SMAD6: variants seen among roughly 807,000 people sequenced by gnomAD.
SMAD6 encodes the protein MAD homolog 6.
In SMAD6, 103 loss-of-function variants were observed where a neutral mutation model predicts 39.4. That is an observed-to-expected ratio of 2.62 (90% CI 2.23 to 3.08). The LOEUF (loss-of-function observed/expected upper bound fraction) is 3.08, where lower values mean the gene tolerates loss of function less well. SMAD6 is among the 30% of genes most tolerant of loss of function. The pLI, the probability that SMAD6 is intolerant of heterozygous loss-of-function variation, is 0.00. For synonymous variants in SMAD6, 445 were observed against 353.3 expected, an observed-to-expected ratio of 1.26 and a Z score of -2.91; for missense variants, 1,104 against 742.9, an observed-to-expected ratio of 1.49 and a Z score of -5.65.
intron 1 of SMAD6, among the ~76,000 whole-genome samples, chr15:66,711,127 A>G (rs538164353): frequency 1.3e-4 from 20 of 152,350 alleles, no homozygotes; most frequent in African/African-American, 4.8e-4. Flanking sequence ...ACCATATTTT[A>G]GTATAAGTAC....
Position 66,703,335 on chromosome 15 carries a change from G to A in SMAD6, c.77G>A (p.Gly26Asp), listed in dbSNP as rs777146401. Residue 26 changes from glycine to aspartate, a missense_variant, in exon 1 of 4, where the codon GGC (glycine) becomes GAC (aspartate). Coordinates refer to ENST00000288840, the MANE Select transcript of SMAD6 (RefSeq NM_005585.5). ...SRVVPDREEG[G>D]SGGGGGGDED... ...GTGGTCCCCGACCGGGAGGAAGGCG[G>A]CAGCGGCGGCGGCGGTGGCGGCGAC... 1 of 1,485,002 alleles carries A rather than the reference G, an allele frequency of 6.7e-7. No homozygotes were observed. Among genetic ancestry groups the A allele is most frequent in the South Asian group, 1.3e-5 (1 of 77,728 alleles). 92.0% of individuals were successfully genotyped at this position (1,485,002 alleles called of 1,614,324 possible).
chr15:66,755,972 A>G (rs1322297144), intron 3 of SMAD6, among the ~76,000 whole-genome samples: 1 of 152,126 alleles, frequency 6.6e-6, no homozygotes, highest in Non-Finnish European at 1.5e-5. Context: ...GTTAAACAGA[A>G]AGGCCTCCTG....
At chr15:66,776,188 C>T (rs560839558) in intron 3 of SMAD6, among the ~76,000 whole-genome samples, 2 of 152,334 alleles carry the variant, frequency 1.3e-5, no homozygotes, top group Non-Finnish European at 2.9e-5. Flanking sequence ...TTGTAAAGTG[C>T]TTTGCGGTTT....
At chr15:66,723,660 A>AC (rs1237711254) in intron 3 of SMAD6, among the ~76,000 whole-genome samples, 4 of 152,246 alleles carry the variant, frequency 2.6e-5, no homozygotes, top group Admixed American at 6.5e-5. Flanking sequence ...GAGCAACAGA[A>AC]CAAGACCCTG....
Position 66,757,586 on chromosome 15 carries a change from C to T in SMAD6, c.953-23411C>T, listed in dbSNP as rs535683098. On this transcript the variant is annotated intron_variant, in intron 3 of 3. Coordinates refer to ENST00000288840, the MANE Select transcript of SMAD6 (RefSeq NM_005585.5). The stretch of plus-strand genomic sequence containing the variant: ...GCCGGGGGCTGGTCTGCCTTGATGC[C>T]GGCCCCTTCTGGCCCTTGTCCCACA... Among the ~76,000 whole-genome samples the T allele has an allele frequency of 3.4e-4, 52 of 152,308 alleles. 1 individual carries two copies. Among genetic ancestry groups the T allele is most frequent in the African/African-American group, 1.3e-3 (52 of 41,572 alleles).
intron 3 of SMAD6, among the ~76,000 whole-genome samples, chr15:66,745,428 C>A (rs564891122): frequency 3.3e-5 from 5 of 151,986 alleles, no homozygotes; most frequent in Non-Finnish European, 7.4e-5. Flanking sequence ...TTCCTGGGCC[C>A]CACTTTTAAA....
At chr15:66,776,879 C>T (rs1894476026) in intron 3 of SMAD6, among the ~76,000 whole-genome samples, 1 of 152,134 alleles carries the variant, frequency 6.6e-6, no homozygotes. Flanking sequence ...TGAGACCACC[C>T]TGGGTAACAT....
At chr15:66,752,040 C>CTTTTTTTTTTTTTTT (rs34057337) in intron 3 of SMAD6, among the ~76,000 whole-genome samples, 1 of 121,862 alleles carries the variant, frequency 8.2e-6, no homozygotes, top group African/African-American at 3.1e-5. Flanking sequence ...TTAATGGCAC[C>CTTTTTTTTTTTTTTT]TTTTTTTTTT....
intron 3 of SMAD6, among the ~76,000 whole-genome samples, chr15:66,731,174 C>T (rs1191830053): frequency 6.6e-6 from 1 of 152,032 alleles, no homozygotes; most frequent in African/African-American, 2.4e-5. Flanking sequence ...CGCGGTGGCT[C>T]ATGCCTGTTA....
intron 3 of SMAD6, among the ~76,000 whole-genome samples, chr15:66,778,986 G>T (rs1386396513): frequency 6.6e-6 from 1 of 152,222 alleles, no homozygotes; most frequent in Non-Finnish European, 1.5e-5. Flanking sequence ...TTGTTGGTTG[G>T]TGGGCAGTGT....
rs190337809 is a variant in SMAD6, at chr15:66,729,918, C to T, written c.952+13420C>T. 4.7e-3 allele frequency among the ~76,000 whole-genome samples: 707 copies of T among 151,342 alleles called. 3 individuals carry two copies. The highest frequency in any genetic ancestry group is 0.016 in the African/African-American group (669 of 41,406). On this transcript the variant is annotated intron_variant, in intron 3 of 3. Coordinates refer to ENST00000288840, the MANE Select transcript of SMAD6 (RefSeq NM_005585.5). The stretch of plus-strand genomic sequence containing the variant: ...CGAGGGCCTGGGCCCGCAGAAGGGG[C>T]GGGGAGGGGGTGGGCCTGGGCTGCA...
In SMAD6 at chr15:66,703,148, G is replaced by C. The variant is rs538035561; in HGVS notation, c.-111G>C. ...TGCGCGGTCTGCACGGCGCTCCGCG[G>C]CGGAGCTTCATGTGGGGCTGCGACC... On this transcript the variant is annotated 5_prime_UTR_variant, in exon 1 of 4. Coordinates refer to ENST00000288840, the MANE Select transcript of SMAD6 (RefSeq NM_005585.5). 1 of 772,274 alleles carries C rather than the reference G, an allele frequency of 1.3e-6. No individual in the cohort carries two copies. The highest frequency in any genetic ancestry group is 1.8e-6 in the Non-Finnish European group (1 of 540,816). The allele number at this position is 772,274 out of a possible 1,614,324, so 47.8% of individuals were successfully genotyped here.
At chr15:66,707,046 G>C (rs1291861316) in intron 1 of SMAD6, 1 of 152,196 alleles carries the variant, frequency 6.6e-6, no homozygotes, top group African/African-American at 2.4e-5. Flanking sequence ...TCTGGGCATG[G>C]GCTAGGGGCC....
chr15:66,743,771 C>G (rs1893857336), intron 3 of SMAD6, among the ~76,000 whole-genome samples: 1 of 152,140 alleles, frequency 6.6e-6, no homozygotes, highest in Non-Finnish European at 1.5e-5. Context: ...GAAATGGTCT[C>G]TATGCAGCCA....
intron 2 of SMAD6, among the ~76,000 whole-genome samples, chr15:66,712,540 G>A (rs1893251542): frequency 6.6e-6 from 1 of 152,050 alleles, no homozygotes; most frequent in Admixed American, 6.6e-5. Context: ...TTAGCCGGGT[G>A]TTGTGGTACA....
intron 3 of SMAD6, among the ~76,000 whole-genome samples, chr15:66,758,439 C>T (rs942781875): frequency 3.3e-5 from 5 of 152,178 alleles, no homozygotes; most frequent in African/African-American, 7.2e-5. Flanking sequence ...AAGATAAACA[C>T]TCTCAGGGCC....
At position 66,702,973 on chromosome 15, in the gene SMAD6, G is replaced by T. The variant is rs1048303812; in HGVS notation, c.-286G>T. 16 of 301,712 alleles carry T rather than the reference G, an allele frequency of 5.3e-5. No homozygotes were observed. In the Admixed American group the frequency reaches 7.7e-4, roughly 15 times the overall value. 18.7% of individuals were successfully genotyped at this position (301,712 alleles called of 1,614,324 possible). On this transcript the variant is annotated 5_prime_UTR_variant, in exon 1 of 4. Transcript: ENST00000288840. ...CCTGCAGCCCCCCTAAAGCGCGGGGGCTGGAGTTGTTGAGCAGCCCCGCCG... is the reference window on the plus strand; with the variant it reads ...CCTGCAGCCCCCCTAAAGCGCGGGGTCTGGAGTTGTTGAGCAGCCCCGCCG...
chr15:66,770,232 T>A (rs960770178), intron 3 of SMAD6, among the ~76,000 whole-genome samples: 2 of 152,110 alleles, frequency 1.3e-5, no homozygotes, highest in African/African-American at 4.8e-5. Context: ...AAGGGCCAAT[T>A]TTGTCTCTGT....
At chr15:66,779,685 T>C (rs1894525217) in intron 3 of SMAD6, among the ~76,000 whole-genome samples, 2 of 152,260 alleles carry the variant, frequency 1.3e-5, no homozygotes, top group East Asian at 1.9e-4. Flanking sequence ...TTAGAAGTGT[T>C]GTCCTCTGGG....
Sources: gnomAD v4.1 joint callset for allele counts (sites outside exome capture counted in the v4.1 genomes callset) on GRCh38, gnomAD v4.1.1 for gene constraint, MANE v1.5 for transcripts, NCBI Gene and HGNC (gene_info 2026-07-23, HGNC 2026-07-21) for gene names.